Variants in SNX8 observed in about 807,000 individuals in gnomAD.
SNX8 encodes the protein sorting nexin-8.
SNX8 carries 25 observed loss-of-function variants against 51.6 expected under a neutral mutation model. That is an observed-to-expected ratio of 0.48 (90% CI 0.35 to 0.68). The LOEUF (loss-of-function observed/expected upper bound fraction) is 0.68, where lower values mean the gene tolerates loss of function less well. Among genes scored for constraint, SNX8 ranks in the 30% least tolerant of loss-of-function variants. SNX8 has a pLI of 0.00. For missense variants in SNX8, 695 were observed against 624.0 expected (o/e 1.11, Z -1.21); for synonymous variants, 324 against 277.0 (o/e 1.17, Z -1.68).
chr7:2,337,100 T>TTTA (rs1450047042), intron 1 of SNX8: 1 of 152,136 alleles, frequency 6.6e-6, no homozygotes, highest in Non-Finnish European at 1.5e-5. Flanking sequence ...GTTCTGTCTC[T>TTTA]TGATAAGGGT....
chr7:2,315,711 CA>C (rs1584735149), upstream of SNX8, among the ~76,000 whole-genome samples: 5 of 151,014 alleles, frequency 3.3e-5, no homozygotes, highest in East Asian at 9.9e-4. Context: ...TTCAGTCACT[CA>C]CTCACTGCAT....
At chr7:2,306,637 G>A (rs1381112889) in intron 1 of SNX8, among the ~76,000 whole-genome samples, 1 of 152,092 alleles carries the variant, frequency 6.6e-6, no homozygotes, top group Non-Finnish European at 1.5e-5. Flanking sequence ...CTATAAAGAC[G>A]CATATTCACT....
At chr7:2,262,961 T>A (rs532214617) in intron 7 of SNX8, among the ~76,000 whole-genome samples, 1 of 152,134 alleles carries the variant, frequency 6.6e-6, no homozygotes, top group South Asian at 2.1e-4. Flanking sequence ...CTACTAAAAA[T>A]ACAAAAAATT....
intron 1 of SNX8, among the ~76,000 whole-genome samples, chr7:2,350,409 G>T (rs970688816): frequency 6.6e-6 from 1 of 152,190 alleles, no homozygotes; most frequent in Non-Finnish European, 1.5e-5. Context: ...AATATCAATA[G>T]AAATGCAACA....
chr7:2,316,785 C>A (rs767152820), upstream of SNX8, among the ~76,000 whole-genome samples: 2 of 148,630 alleles, frequency 1.3e-5, no homozygotes, highest in Non-Finnish European at 3.0e-5. Flanking sequence ...ATTCATCCAC[C>A]CACCCACTCA....
chr7:2,265,722 C>G (rs1235568343), intron 5 of SNX8, among the ~76,000 whole-genome samples: 1 of 152,196 alleles, frequency 6.6e-6, no homozygotes, highest in East Asian at 1.9e-4. Context: ...GGGGGGAAGG[C>G]CTCTTCTATG....
intron 1 of SNX8, 55 bp downstream of exon 1, chr7:2,314,273 G>T: frequency 2.5e-6 from 3 of 1,214,840 alleles, no homozygotes; most frequent in Non-Finnish European, 3.1e-6. Flanking sequence ...TCCGCCGGGG[G>T]TGGTCGGGCC....
At chr7:2,261,412 G>A (rs1476805191) in intron 7 of SNX8, among the ~76,000 whole-genome samples, 3 of 152,204 alleles carry the variant, frequency 2.0e-5, no homozygotes, top group South Asian at 4.1e-4. Context: ...CAGCCTGGGC[G>A]ACAGAGCGAG....
At chr7:2,258,921 G>A (rs1336317217) in intron 7 of SNX8, among the ~76,000 whole-genome samples, 1 of 152,160 alleles carries the variant, frequency 6.6e-6, no homozygotes, top group African/African-American at 2.4e-5. Flanking sequence ...TGCTCCCAGA[G>A]TCACCACAGC....
At chr7:2,260,780 G>T (rs1795316669) in intron 7 of SNX8, among the ~76,000 whole-genome samples, 1 of 152,206 alleles carries the variant, frequency 6.6e-6, no homozygotes, top group African/African-American at 2.4e-5. Context: ...GAGAGATTCA[G>T]GAAACAGCAC....
chr7:2,285,081 G>A (rs999014737), intron 1 of SNX8, among the ~76,000 whole-genome samples: 8 of 151,846 alleles, frequency 5.3e-5, no homozygotes, highest in African/African-American at 1.9e-4. Context: ...GTGTGGTGGC[G>A]GACACCTGTA....
At position 2,271,981 on chromosome 7, in the gene SNX8, C is replaced by A. The variant is rs746712425; in HGVS notation, c.419-10G>T. On this transcript the variant is annotated splice_polypyrimidine_tract_variant and intron_variant, in intron 3 of 10. Transcript: ENST00000222990. ...ATGAACTCCCTGTCAGCTGGAGGAG[C>A]ACACGGGGTCACTGGACAGAGTCCA... 4.3e-6 allele frequency: 7 copies of A among 1,613,676 alleles called. No homozygotes were observed. The African/African-American group carries it at 9.3e-5, about 22-fold the overall frequency.
chr7:2,272,002 G>T lies in SNX8; in HGVS notation c.419-31C>A, dbSNP rs914822956. 13 of 1,610,684 alleles carry T rather than the reference G, an allele frequency of 8.1e-6. No homozygotes were observed. In the Admixed American group the frequency reaches 1.8e-4, roughly 23 times the overall value. On this transcript the variant is annotated intron_variant, in intron 3 of 10. Transcript: ENST00000222990. ...GGAGCACACGGGGTCACTGGACAGAGTCCAGGGCGCCGGCCCCCATCTTCT... is the reference window on the plus strand; with the variant it reads ...GGAGCACACGGGGTCACTGGACAGATTCCAGGGCGCCGGCCCCCATCTTCT...
intron 1 of SNX8, among the ~76,000 whole-genome samples, chr7:2,329,871 A>G (rs1171829953): frequency 1.3e-5 from 2 of 148,386 alleles, no homozygotes; most frequent in African/African-American, 2.5e-5. Context: ...TCTGTTCCCC[A>G]GGCTGGAGTG....
At chr7:2,341,866 G>A (rs541366327) in intron 1 of SNX8, among the ~76,000 whole-genome samples, 4 of 151,928 alleles carry the variant, frequency 2.6e-5, no homozygotes, top group Non-Finnish European at 4.4e-5. Context: ...TGAGCTACTC[G>A]GGAGGCTGAG....
At chr7:2,304,317 G>C (rs1182846370) in intron 1 of SNX8, among the ~76,000 whole-genome samples, 2 of 151,802 alleles carry the variant, frequency 1.3e-5, no homozygotes, top group South Asian at 2.1e-4. Flanking sequence ...GGCCAAGGTG[G>C]GCAGATCACG....
chr7:2,340,278 G>T lies in SNX8; in HGVS notation c.-66+13944C>A, dbSNP rs926488059. Among the ~76,000 whole-genome samples the T allele has an allele frequency of 4.0e-5, 6 of 148,782 alleles. No individual in the cohort carries two copies. In the South Asian group the frequency reaches 1.3e-3, roughly 32 times the overall value. ...TTATAGATGGGGTTTCTCCATGTTG[G>T]TCAGGCTGGTCTCGAACTCCCGACC... On this transcript the variant is annotated intron_variant, in intron 1 of 5. Coordinates refer to the SNX8 transcript ENST00000435336.
chr7:2,321,711 GC>G (rs1320716198), intron 1 of SNX8, among the ~76,000 whole-genome samples: 1 of 135,404 alleles, frequency 7.4e-6, no homozygotes, highest in African/African-American at 2.9e-5. Flanking sequence ...ACCGCGCCCG[GC>G]CTTTTTTTTT....
rs12699825 is a variant in SNX8, at chr7:2,304,340, A to T, written c.94+9988T>A. On this transcript the variant is annotated intron_variant, in intron 1 of 10. Coordinates refer to ENST00000222990, the MANE Select transcript of SNX8 (RefSeq NM_013321.4). ...TGGGCAGATCACGAGGTCAGGAGAT[A>T]GAGACCATCCTGGCTAACAGGGTGA... is the stretch of plus-strand genomic sequence containing the variant. Among the ~76,000 whole-genome samples the T allele has an allele frequency of 3.0e-3, 449 of 151,484 alleles. 3 individuals carry two copies. The highest frequency in any genetic ancestry group is 4.7e-3 in the Non-Finnish European group (318 of 67,854).
Sources: allele counts gnomAD v4.1 joint callset (sites outside exome capture counted in the v4.1 genomes callset), GRCh38; gene constraint gnomAD v4.1.1; transcripts MANE v1.5; gene names NCBI Gene and HGNC (gene_info 2026-07-23, HGNC 2026-07-21).